The following FARS2 variants were observed in gnomAD, a reference collection of about 807,000 sequenced individuals.
The protein encoded by FARS2 is phenylalanyl-tRNA synthetase 2, mitochondrial, also known as phenylalanine--tRNA ligase, mitochondrial.
A neutral mutation model predicts 46.4 loss-of-function variants in FARS2; 40 were observed. The observed-to-expected ratio is 0.86, with a 90% CI of 0.67 to 1.12. FARS2 has a LOEUF of 1.12. FARS2 is among the 50% of genes most tolerant of loss of function. The probability of loss-of-function intolerance (pLI) is 0.00; values close to 1 mark genes in which losing one functional copy is unlikely to be tolerated. For missense variants in FARS2, 513 were observed against 567.9 expected (o/e 0.90, Z 0.98); for synonymous variants, 234 against 214.9 (o/e 1.09, Z -0.78).
intron 6 of FARS2, among the ~76,000 whole-genome samples, chr6:5,677,686 T>G (rs1778834122): frequency 6.6e-6 from 1 of 151,744 alleles, no homozygotes; most frequent in Non-Finnish European, 1.5e-5. Context: ...AGTCAAAGAG[T>G]CAAAGGCAAG....
At chr6:5,345,546 T>C (rs1390101860) in intron 1 of FARS2, among the ~76,000 whole-genome samples, 1 of 152,230 alleles carries the variant, frequency 6.6e-6, no homozygotes, top group African/African-American at 2.4e-5. Context: ...CTCAGGCGCA[T>C]GTGTAAAACG....
intron 6 of FARS2, among the ~76,000 whole-genome samples, chr6:5,647,493 A>G (rs1459073126): frequency 1.3e-5 from 2 of 152,268 alleles, no homozygotes; most frequent in South Asian, 2.1e-4. Context: ...CCTGGAAGGC[A>G]CATTTCCTGC....
chr6:5,499,827 G>A (rs1226365811), intron 4 of FARS2, among the ~76,000 whole-genome samples: 1 of 152,132 alleles, frequency 6.6e-6, no homozygotes, highest in African/African-American at 2.4e-5. Context: ...AAAACTAAGT[G>A]ACTCAAATAG....
At chr6:5,604,329 G>A (rs1482835600) in intron 5 of FARS2, among the ~76,000 whole-genome samples, 23 of 152,204 alleles carry the variant, frequency 1.5e-4, no homozygotes, top group Admixed American at 6.5e-5. Context: ...TTCTTATGTC[G>A]ACTGGTTGCT....
intron 6 of FARS2, among the ~76,000 whole-genome samples, chr6:5,668,994 C>G (rs1778304333): frequency 1.3e-5 from 2 of 152,128 alleles, no homozygotes; most frequent in Non-Finnish European, 1.5e-5. Context: ...CCACACCCAG[C>G]CCACGTTGAG....
At chr6:5,283,627 G>C (rs1429456661) in intron 1 of FARS2, among the ~76,000 whole-genome samples, 1 of 151,180 alleles carries the variant, frequency 6.6e-6, no homozygotes, top group Non-Finnish European at 1.5e-5. Flanking sequence ...CTGTCCTTCA[G>C]CTCTTACCTG....
intron 6 of FARS2, among the ~76,000 whole-genome samples, chr6:5,653,856 G>T (rs553255556): frequency 6.6e-6 from 1 of 152,008 alleles, no homozygotes; most frequent in Non-Finnish European, 1.5e-5. Flanking sequence ...CTGCATCTTC[G>T]TGGAGTGCGG....
At chr6:5,747,078 G>A (rs375324662) in intron 6 of FARS2, among the ~76,000 whole-genome samples, 7 of 152,142 alleles carry the variant, frequency 4.6e-5, no homozygotes, top group Non-Finnish European at 7.3e-5. Context: ...AGGGTATGGC[G>A]GCATCATGCC....
chr6:5,317,411 A>G (rs1769600715), intron 1 of FARS2, among the ~76,000 whole-genome samples: 1 of 152,190 alleles, frequency 6.6e-6, no homozygotes, highest in South Asian at 2.1e-4. Flanking sequence ...TAGGGGTGCT[A>G]ATGGAAAAAG....
chr6:5,658,780 AC>A (rs1162201226), intron 6 of FARS2, among the ~76,000 whole-genome samples: 1 of 152,202 alleles, frequency 6.6e-6, no homozygotes, highest in Non-Finnish European at 1.5e-5. Context: ...TCTTCCCCCC[AC>A]CCCAATAACA....
chr6:5,593,390 AC>A (rs1774030978), intron 5 of FARS2, among the ~76,000 whole-genome samples: 1 of 152,078 alleles, frequency 6.6e-6, no homozygotes, highest in Admixed American at 6.5e-5. Context: ...GCAAAGTGAT[AC>A]CTGTAAGAGA....
chr6:5,695,026 A>G (rs1758012472), intron 6 of FARS2: 1 of 152,080 alleles, frequency 6.6e-6, no homozygotes, highest in Non-Finnish European at 1.5e-5. Context: ...AAAAAAACAG[A>G]TATATATAAA....
intron 1 of FARS2, among the ~76,000 whole-genome samples, chr6:5,327,326 T>G (rs1325154745): frequency 6.6e-6 from 1 of 152,220 alleles, no homozygotes; most frequent in Non-Finnish European, 1.5e-5. Flanking sequence ...AAGGCTATAC[T>G]ATAGATTTTG....
At chr6:5,766,039 A>G (rs1762733860) in intron 6 of FARS2, among the ~76,000 whole-genome samples, 1 of 152,204 alleles carries the variant, frequency 6.6e-6, no homozygotes, top group African/African-American at 2.4e-5. Flanking sequence ...AGCACCAAAA[A>G]AATTTTTTTA....
rs559630115 is a variant in FARS2 at position 5,633,558 on chromosome 6, A to G, written c.1217+20238A>G. Among the ~76,000 whole-genome samples the G allele has an allele frequency of 2.1e-3, 318 of 152,056 alleles. 2 individuals are homozygous for G. Among genetic ancestry groups the G allele is most frequent in the African/African-American group, 7.4e-3 (308 of 41,530 alleles). ...GCTGGGATTACAGGCGTGAGCCACC[A>G]CGCCCGGCACCTGGCTTACCAGAGA... On this transcript the variant is annotated intron_variant, in intron 6 of 6. Transcript: ENST00000274680.
chr6:5,496,121 T>G (rs2150370753), intron 4 of FARS2, among the ~76,000 whole-genome samples: 2 of 152,312 alleles, frequency 1.3e-5, no homozygotes, highest in African/African-American at 4.8e-5. Context: ...TAAAACAATA[T>G]ATGCCCTTTT....
At chr6:5,600,022 G>C (rs574750118) in intron 5 of FARS2, among the ~76,000 whole-genome samples, 2 of 152,210 alleles carry the variant, frequency 1.3e-5, no homozygotes, top group East Asian at 3.9e-4. Flanking sequence ...AACTAAAGTA[G>C]CACACTGTAG....
intron 6 of FARS2, among the ~76,000 whole-genome samples, chr6:5,769,882 C>G (rs1407813912): frequency 2.0e-5 from 3 of 152,246 alleles, no homozygotes; most frequent in African/African-American, 4.8e-5. Flanking sequence ...AGCTTATCTT[C>G]CCTGAAAGTG....
chr6:5,295,808 A>G (rs758901925), intron 1 of FARS2, among the ~76,000 whole-genome samples: 37 of 152,112 alleles, frequency 2.4e-4, no homozygotes, highest in Non-Finnish European at 4.6e-4. Context: ...AGGCGTGTTT[A>G]TTTATGCTGG....
Sources: gnomAD v4.1 joint callset for allele counts (sites outside exome capture counted in the v4.1 genomes callset) on GRCh38, gnomAD v4.1.1 for gene constraint, MANE v1.5 for transcripts, NCBI Gene and HGNC (gene_info 2026-07-23, HGNC 2026-07-21) for gene names.